Variants in ZNF496 observed in about 807,000 individuals in gnomAD.
The protein encoded by ZNF496 is NSD1 (nuclear receptor binding SET-domain containing 1)-interacting zinc finger protein 1.
A neutral mutation model predicts 58.9 loss-of-function variants in ZNF496; 11 were observed. The ratio of observed to expected loss-of-function variants is 0.19; its 90% CI spans 0.12 to 0.31. The LOEUF is 0.31. ZNF496 is among the 10% of genes least tolerant of loss of function. The pLI, the probability that ZNF496 is intolerant of heterozygous loss-of-function variation, is 1.00. For missense variants in ZNF496, 660 were observed against 783.0 expected, an observed-to-expected ratio of 0.84 and a Z score of 1.88; for synonymous variants, 338 against 318.2, an observed-to-expected ratio of 1.06 and a Z score of -0.66.
At chr1:247,302,024 G>C (rs900050445) in intron 9 of ZNF496, among the ~76,000 whole-genome samples, 1 of 152,198 alleles carries the variant, frequency 6.6e-6, no homozygotes, top group African/African-American at 2.4e-5. Context: ...CTGTGATGTT[G>C]GGAAGGTGGA....
At chr1:247,315,779 C>T (rs933858789) in intron 6 of ZNF496, among the ~76,000 whole-genome samples, 1 of 152,124 alleles carries the variant, frequency 6.6e-6, no homozygotes, top group Non-Finnish European at 1.5e-5. Flanking sequence ...GAGAATACCT[C>T]AAAAATTCTA....
intron 6 of ZNF496, among the ~76,000 whole-genome samples, chr1:247,321,808 C>A (rs1252639404): frequency 6.6e-6 from 1 of 152,200 alleles, no homozygotes; most frequent in Non-Finnish European, 1.5e-5. Context: ...ACTGGTTTTA[C>A]CTCCTTTGTG....
At chr1:247,318,253 C>T (rs1007724606) in intron 6 of ZNF496, among the ~76,000 whole-genome samples, 2 of 152,050 alleles carry the variant, frequency 1.3e-5, no homozygotes, top group African/African-American at 4.8e-5. Flanking sequence ...CAGTTTCTAA[C>T]AAGAGATCTA....
rs971203401 is a variant in ZNF496 at position 247,307,427 on chromosome 1, G to A, written c.1006+1048C>T. ...TCCATCTTCTAAAAGTATATTGATG[G>A]GGCTGAGAGACATGCTATGGGCAGA... is the stretch of plus-strand genomic sequence containing the variant. On this transcript the variant is annotated intron_variant, in intron 9 of 9. Coordinates refer to ENST00000682384, the MANE Select transcript of ZNF496 (RefSeq NM_032752.3). 1.1e-5 allele frequency: 11 copies of A among 985,272 alleles called. No homozygotes were observed. In the South Asian group the frequency reaches 4.2e-4, roughly 38 times the overall value. The allele number at this position is 985,272 out of a possible 1,614,324, so 61.0% of individuals were successfully genotyped here.
rs753863564 is a variant in ZNF496, at chr1:247,329,533, C to T, written c.46G>A (p.Glu16Lys). ...CPRVLAPKES[E>K]EPRKMRSPPG... is the part of the protein sequence containing the mutation. ...GGGCTCCTCATTTTCCTGGGCTCCT[C>T]ACTTTCCTTCGGAGCCAAGACTCGG... Residue 16 changes from glutamate to lysine, a missense_variant, in exon 4 of 10, where the codon GAG becomes AAG. Transcript: ENST00000682384. This position sits in a 1 kb window ranked among gnomAD's most constrained non-coding sequence, Gnocchi z 5.5. 6.3e-7 allele frequency: 1 copy of T among 1,575,008 alleles called. No homozygotes were observed. The highest frequency in any genetic ancestry group is 8.6e-7 in the Non-Finnish European group (1 of 1,166,200).
Position 247,300,516 on chromosome 1 carries a change from G to T in ZNF496, c.*3C>A, listed in dbSNP as rs1558434541. 1 of 1,598,408 alleles carries T rather than the reference G, an allele frequency of 6.3e-7. No homozygotes were observed. The highest frequency in any genetic ancestry group is 8.6e-7 in the Non-Finnish European group (1 of 1,169,386). Reference sequence around the variant, plus strand: ...AGGGTGAGGCCGCCCCAGGCGGAGAGGCTCAGTAGGAGTTCAGAGCCTGCT... The same window carrying T: ...AGGGTGAGGCCGCCCCAGGCGGAGATGCTCAGTAGGAGTTCAGAGCCTGCT... On this transcript the variant is annotated 3_prime_UTR_variant, in exon 10 of 10. Transcript: ENST00000682384. This position sits in a 1 kb window ranked among gnomAD's most constrained non-coding sequence, Gnocchi z 5.7.
Position 247,299,221 on chromosome 1 carries a change from T to C in ZNF496, c.*1298A>G, listed in dbSNP as rs1369195686. The C allele has an allele frequency of 6.6e-6, 1 of 152,172 alleles. No individual in the cohort carries two copies. The highest frequency in any genetic ancestry group is 2.4e-5 in the African/African-American group (1 of 41,434). 9.4% of individuals were successfully genotyped at this position (152,172 alleles called of 1,614,324 possible). A position where few individuals can be genotyped will look rare whatever the true frequency, so the allele number is the denominator to read the frequency against. ...GGTAAACGGTTGCTGCGGATACAGA[T>C]GAGGTTATACTGGAGTCGGTGGGAT... On this transcript the variant is annotated 3_prime_UTR_variant, in exon 10 of 10. Coordinates refer to ENST00000682384, the MANE Select transcript of ZNF496 (RefSeq NM_032752.3).
Position 247,329,854 on chromosome 1 carries a change from C to G in ZNF496, c.-38+112G>C. On this transcript the variant is annotated intron_variant, in intron 3 of 9. Coordinates refer to ENST00000682384, the MANE Select transcript of ZNF496 (RefSeq NM_032752.3). This position sits in a 1 kb window ranked among gnomAD's most constrained non-coding sequence, Gnocchi z 5.5. ...CCCGTTAAGTGGGTGACTGGATGAA[C>G]AAGACAGGAAATCTGGGAGAAAGTG... The G allele has an allele frequency of 5.2e-6, 2 of 387,314 alleles. No homozygotes were observed. The highest frequency in any genetic ancestry group is 9.1e-6 in the Non-Finnish European group (2 of 219,298). The allele number at this position is 387,314 out of a possible 1,614,324, so 24.0% of individuals were successfully genotyped here.
In ZNF496 at chr1:247,300,776, C is replaced by T. The variant is rs139500830; in HGVS notation, c.1507G>A (p.Glu503Lys). ...TCTTTGGGACCCTTGTCCGCGTCCT[C>T]GGATGCCGCCTGCTCTCTCTTCTCC... ...PVEKREQAAS[E>K]DADKGPKEPL... is the part of the protein sequence containing the mutation. The change falls in exon 10 of 10, where the codon GAG (glutamate) becomes AAG (lysine). Residue 503 changes from glutamate (E) to lysine (K), a missense_variant. Physicochemically the swap from Glu to Lys is moderately conservative, Grantham distance 56. Transcript: ENST00000682384. The surrounding 1 kb of genome is among the most constrained non-coding windows in gnomAD (Gnocchi z 5.7). 6.2e-6 allele frequency: 10 copies of T among 1,603,170 alleles called. No individual in the cohort carries two copies. The African/African-American group carries it at 1.1e-4, about 17-fold the overall frequency.
chr1:247,322,611 G>A (rs1368792521), intron 6 of ZNF496: 54 of 762,268 alleles, frequency 7.1e-5, no homozygotes, highest in Non-Finnish European at 2.3e-5. Context: ...CCCCAGCCCT[G>A]ACTCTGACTC....
At chr1:247,315,181 T>G (rs181930591) in intron 6 of ZNF496, among the ~76,000 whole-genome samples, 1 of 151,280 alleles carries the variant, frequency 6.6e-6, no homozygotes, top group East Asian at 1.9e-4. Context: ...TATGGAATAA[T>G]TATGCGTCAA....
rs150076755 is a variant in ZNF496 at position 247,309,903 on chromosome 1, C to T, written c.785-97G>A. ...AGAGAGAAGGCGGAGGGATGCCCAG[C>T]GGGCATGGCACCATCAGGGGCGAGA... On this transcript the variant is annotated intron_variant, in intron 7 of 9. Transcript: ENST00000682384. This position sits in a 1 kb window ranked among gnomAD's most constrained non-coding sequence, Gnocchi z 4.3. 3.3e-3 allele frequency: 4,717 copies of T among 1,435,072 alleles called. 11 individuals carry two copies. The highest frequency in any genetic ancestry group is 9.7e-3 in the Middle Eastern group (53 of 5,452). 88.9% of individuals were successfully genotyped at this position (1,435,072 alleles called of 1,614,324 possible).
chr1:247,330,441 A>T (rs151223545), intron 2 of ZNF496, among the ~76,000 whole-genome samples: 13 of 152,338 alleles, frequency 8.5e-5, no homozygotes, highest in Middle Eastern at 3.4e-3. Context: ...CGGCCAGGAC[A>T]GAAAAGTGGG....
At chr1:247,327,464 T>G (rs373153427) in intron 5 of ZNF496, among the ~76,000 whole-genome samples, 43 of 152,356 alleles carry the variant, frequency 2.8e-4, no homozygotes, top group African/African-American at 9.4e-4. Context: ...CCAAGGCTGC[T>G]GATACATTGA....
chr1:247,301,316 G>C (rs764020082), intron 9 of ZNF496, 40 bp from the exon 10 acceptor site: 1 of 1,496,198 alleles, frequency 6.7e-7, no homozygotes, highest in Admixed American at 2.3e-5. Context: ...CGCTGCACAG[G>C]CCACATCCCA....
intron 6 of ZNF496, chr1:247,313,892 T>C (rs1659690323): frequency 1.3e-5 from 2 of 152,316 alleles, no homozygotes; most frequent in South Asian, 4.1e-4. Flanking sequence ...CTGTGCATGA[T>C]GGAATCCGGA....
At chr1:247,301,569 AC>A (rs1162022647) in intron 9 of ZNF496, among the ~76,000 whole-genome samples, 1 of 151,838 alleles carries the variant, frequency 6.6e-6, no homozygotes, top group Non-Finnish European at 1.5e-5. Flanking sequence ...ACCCACGGAG[AC>A]CACCCCATCC....
At chr1:247,313,975 G>A (rs1356861284) in intron 6 of ZNF496, 3 of 152,212 alleles carry the variant, frequency 2.0e-5, no homozygotes, top group African/African-American at 7.2e-5. Context: ...GGACTCTGGG[G>A]TTAGGTGTAA....
At chr1:247,326,626 C>T (rs1660136369) in intron 5 of ZNF496, among the ~76,000 whole-genome samples, 1 of 152,160 alleles carries the variant, frequency 6.6e-6, no homozygotes, top group Non-Finnish European at 1.5e-5. Context: ...TGGCTGCTTC[C>T]CTTATACCTG....
Sources: gnomAD v4.1 joint callset for allele counts (sites outside exome capture counted in the v4.1 genomes callset) on GRCh38, gnomAD v4.1.1 for gene constraint, Gnocchi (gnomAD v3.1) non-coding constraint, MANE v1.5 for transcripts, NCBI Gene and HGNC (gene_info 2026-07-23, HGNC 2026-07-21) for gene names.